The following KIFC1 variants were observed in gnomAD, a reference collection of about 807,000 sequenced individuals.
The protein encoded by KIFC1 is kinesin-like protein KIFC1.
KIFC1 carries 37 observed loss-of-function variants against 66.6 expected under a neutral mutation model. That is an observed-to-expected ratio of 0.56 (90% CI 0.43 to 0.73). KIFC1 has a LOEUF of 0.73. Among genes scored for constraint, KIFC1 ranks in the 30% least tolerant of loss-of-function variants. The pLI is 0.00. For missense variants in KIFC1, 721 were observed against 859.8 expected (o/e 0.84, Z 2.02); for synonymous variants, 325 against 343.5 (o/e 0.95, Z 0.60).
rs1236665767 is a variant in KIFC1, at chr6:33,401,161, G to A, written c.251-2153G>A. ...TTTTGTTTTTTGTTTTTGAGACAGA[G>A]TCTCGCTCTTTCGCCCAGGCTGGAG... On this transcript the variant is annotated intron_variant, in intron 3 of 10. Transcript: ENST00000428849. This position sits in a 1 kb window ranked among gnomAD's most constrained non-coding sequence, Gnocchi z 4.5. Among the ~76,000 whole-genome samples, 1 of 152,030 alleles carries A rather than the reference G, an allele frequency of 6.6e-6. No individual in the cohort carries two copies. Among genetic ancestry groups the A allele is most frequent in the Admixed American group, 6.6e-5 (1 of 15,262 alleles).
chr6:33,397,760 C>G lies in KIFC1; in HGVS notation c.13-269C>G, dbSNP rs749566239. On this transcript the variant is annotated intron_variant, in intron 1 of 10. Transcript: ENST00000428849. ...TGCTATGTACATATTTGAATTTTTG[C>G]CTTCCAGGAAGAGCATCCATTCCTC... is the stretch of plus-strand genomic sequence containing the variant. Among the ~76,000 whole-genome samples the G allele has an allele frequency of 2.6e-5, 4 of 152,198 alleles. No homozygotes were observed. In the South Asian group the frequency reaches 8.3e-4, roughly 31 times the overall value.
rs938689369 is a variant in KIFC1, at chr6:33,400,489, C to A, written c.250+2102C>A. The A allele has an allele frequency of 7.5e-6, 12 of 1,600,190 alleles. No individual in the cohort carries two copies. The highest frequency in any genetic ancestry group is 1.0e-5 in the Non-Finnish European group (12 of 1,171,972). Reference sequence around the variant, plus strand: ...CTTGGGGGCCAGGGCAGAAGTGGCACCGACTTCACCTCTGGTGCACCTCAG... The same window carrying A: ...CTTGGGGGCCAGGGCAGAAGTGGCAACGACTTCACCTCTGGTGCACCTCAG... On this transcript the variant is annotated intron_variant, in intron 3 of 10. Transcript: ENST00000428849. The surrounding 1 kb of genome is among the most constrained non-coding windows in gnomAD (Gnocchi z 4.3).
intron 1 of KIFC1, among the ~76,000 whole-genome samples, 170 bp downstream of exon 1, chr6:33,392,167 G>T (rs1774819988): frequency 6.6e-6 from 1 of 152,208 alleles, no homozygotes; most frequent in Non-Finnish European, 1.5e-5. Flanking sequence ...AGTGGAGACG[G>T]CTTAGAGCAC....
chr6:33,398,774 A>G (rs1207109860), intron 3 of KIFC1, among the ~76,000 whole-genome samples: 2 of 152,038 alleles, frequency 1.3e-5, no homozygotes, highest in Non-Finnish European at 2.9e-5. Context: ...CCTATTTTGA[A>G]TAGGTAATAA....
In KIFC1 at chr6:33,404,546, T is replaced by C. The variant is rs1775542008; in HGVS notation, c.757-306T>C. The stretch of plus-strand genomic sequence containing the variant: ...ACTCAACTTTCACTTCTGGGCATTC[T>C]GCATATGTGCTTCCCTCTTTCTGGA... On this transcript the variant is annotated intron_variant, in intron 6 of 10. Coordinates refer to ENST00000428849, the MANE Select transcript of KIFC1 (RefSeq NM_002263.4). This position sits in a 1 kb window ranked among gnomAD's most constrained non-coding sequence, Gnocchi z 4.0. Among the ~76,000 whole-genome samples the C allele has an allele frequency of 6.6e-6, 1 of 152,214 alleles. No individual in the cohort carries two copies. The highest frequency in any genetic ancestry group is 1.5e-5 in the Non-Finnish European group (1 of 68,046).
In KIFC1 at chr6:33,409,736, T is replaced by C. The variant is rs1775848196; in HGVS notation, c.*46T>C. On this transcript the variant is annotated 3_prime_UTR_variant, in exon 11 of 11. Transcript: ENST00000428849. ...GTGTGTGTGTGTGTGTGTGTGTGTG[T>C]GTGTGTGTGTGTGTGTGTCCCTATG... 7.1e-7 allele frequency: 1 copy of C among 1,417,592 alleles called. No individual in the cohort carries two copies. Among genetic ancestry groups the C allele is most frequent in the Admixed American group, 1.7e-5 (1 of 57,326 alleles). The allele number at this position is 1,417,592 out of a possible 1,614,324, so 87.8% of individuals were successfully genotyped here.
intron 1 of KIFC1, among the ~76,000 whole-genome samples, chr6:33,396,632 C>T (rs1359684890): frequency 6.6e-6 from 1 of 151,238 alleles, no homozygotes; most frequent in Admixed American, 6.6e-5. Context: ...CTAGCTTAGC[C>T]CTCAAGCTTC....
chr6:33,405,296 G>A lies in KIFC1; in HGVS notation c.1201G>A (p.Gly401Ser). Residue 401 changes from glycine (G) to serine (S), a missense_variant, in exon 7 of 11, where the codon GGC (glycine) becomes AGC (serine). Gly to Ser is a moderately conservative substitution (Grantham distance 56). Transcript: ENST00000428849. This position sits in a 1 kb window ranked among gnomAD's most constrained non-coding sequence, Gnocchi z 5.4. ...IAMLVQSALD[G>S]YPVCIFAYGQ... ...CATGCTTGTCCAGTCAGCCCTGGAT[G>A]GCTATCCAGTATGCATCTTTGCCTA... 6.2e-7 allele frequency: 1 copy of A among 1,614,134 alleles called. No homozygotes were observed. The highest frequency in any genetic ancestry group is 8.5e-7 in the Non-Finnish European group (1 of 1,179,980).
chr6:33,403,617 C>G lies in KIFC1; in HGVS notation c.355+82C>G. ...GAGTGACCAGAAAAATCCATTTGGT[C>G]TCTAAGGGGAAGGAGATGTAGCATC... On this transcript the variant is annotated intron_variant, in intron 5 of 10. Coordinates refer to ENST00000428849, the MANE Select transcript of KIFC1 (RefSeq NM_002263.4). The surrounding 1 kb of genome is among the most constrained non-coding windows in gnomAD (Gnocchi z 4.6). The G allele has an allele frequency of 1.3e-6, 2 of 1,578,714 alleles. No homozygotes were observed. The highest frequency in any genetic ancestry group is 1.7e-5 in the Admixed American group (1 of 59,838).
At position 33,405,788 on chromosome 6, in the gene KIFC1, G is replaced by T. The variant is rs113834694; in HGVS notation, c.1536+157G>T. 5.3e-5 allele frequency among the ~76,000 whole-genome samples: 8 copies of T among 152,150 alleles called. No individual in the cohort carries two copies. Among genetic ancestry groups the T allele is most frequent in the African/African-American group, 1.9e-4 (8 of 41,424 alleles). On this transcript the variant is annotated intron_variant, in intron 7 of 10. Coordinates refer to ENST00000428849, the MANE Select transcript of KIFC1 (RefSeq NM_002263.4). This position sits in a 1 kb window ranked among gnomAD's most constrained non-coding sequence, Gnocchi z 5.4. ...ATCCGGTTTTGGCCTGTGGGCTGTC[G>T]GTAGATCTGCCTTAACCTGGGAGTG...
intron 10 of KIFC1, among the ~76,000 whole-genome samples, chr6:33,409,116 A>G (rs1426164571): frequency 1.3e-5 from 2 of 152,200 alleles, no homozygotes; most frequent in African/African-American, 4.8e-5. Context: ...CAGTGAGCCG[A>G]GATCGCGCCA....
intron 3 of KIFC1, among the ~76,000 whole-genome samples, 191 bp downstream of exon 3, chr6:33,398,578 C>T (rs1450676579): frequency 6.6e-6 from 1 of 152,194 alleles, no homozygotes; most frequent in Non-Finnish European, 1.5e-5. Flanking sequence ...ATTCTCCTAC[C>T]TCAGCCTCCC....
intron 3 of KIFC1, among the ~76,000 whole-genome samples, chr6:33,402,993 CAATA>C (rs769075804): frequency 6.6e-6 from 1 of 152,140 alleles, no homozygotes; most frequent in Non-Finnish European, 1.5e-5. Context: ...CTCAGTCAAT[CAATA>C]AATAAAGTAT....
In KIFC1 at chr6:33,405,778, G is replaced by A; in HGVS notation, c.1536+147G>A. On this transcript the variant is annotated intron_variant, in intron 7 of 10. Transcript: ENST00000428849. The surrounding 1 kb of genome is among the most constrained non-coding windows in gnomAD (Gnocchi z 5.4). ...GGGTTACCACATCCGGTTTTGGCCT[G>A]TGGGCTGTCGGTAGATCTGCCTTAA... is the stretch of plus-strand genomic sequence containing the variant. The A allele has an allele frequency of 3.5e-6, 3 of 849,288 alleles. No individual in the cohort carries two copies. Among genetic ancestry groups the A allele is most frequent in the Non-Finnish European group, 3.4e-6 (2 of 585,198 alleles). The allele number at this position is 849,288 out of a possible 1,614,324, so 52.6% of individuals were successfully genotyped here.
rs558765870 is a variant in KIFC1 at position 33,408,538 on chromosome 6, C to T, written c.1978-1108C>T. Reference sequence around the variant, plus strand: ...TTAGTTGTTCTGCATTGGTTAGTCACGATTCTTTTATGAAGACATTTGCCT... The same window carrying T: ...TTAGTTGTTCTGCATTGGTTAGTCATGATTCTTTTATGAAGACATTTGCCT... On this transcript the variant is annotated intron_variant, in intron 10 of 10. Coordinates refer to ENST00000428849, the MANE Select transcript of KIFC1 (RefSeq NM_002263.4). 5.9e-5 allele frequency among the ~76,000 whole-genome samples: 9 copies of T among 152,234 alleles called. No individual in the cohort carries two copies. In the South Asian group the frequency reaches 1.9e-3, roughly 32 times the overall value.
At chr6:33,397,151 A>C (rs1383233227) in intron 1 of KIFC1, among the ~76,000 whole-genome samples, 1 of 146,180 alleles carries the variant, frequency 6.8e-6, no homozygotes, top group Non-Finnish European at 1.5e-5. Flanking sequence ...ATGCCTGGGT[A>C]ATTTTTGTAG....
chr6:33,401,890 A>G lies in KIFC1; in HGVS notation c.251-1424A>G, dbSNP rs992007167. ...TTAATTTTGTTTTTGTATTTTTAGG[A>G]GAGACGGGGTTTCACCGTGTTAGCC... On this transcript the variant is annotated intron_variant, in intron 3 of 10. Coordinates refer to ENST00000428849, the MANE Select transcript of KIFC1 (RefSeq NM_002263.4). The surrounding 1 kb of genome is among the most constrained non-coding windows in gnomAD (Gnocchi z 4.5). Among the ~76,000 whole-genome samples, 1 of 152,012 alleles carries G rather than the reference A, an allele frequency of 6.6e-6. No homozygotes were observed. Among genetic ancestry groups the G allele is most frequent in the Non-Finnish European group, 1.5e-5 (1 of 68,000 alleles).
Position 33,403,183 on chromosome 6 carries a change from A to T in KIFC1, c.251-131A>T. 1.2e-6 allele frequency: 1 copy of T among 829,646 alleles called. No individual in the cohort carries two copies. The highest frequency in any genetic ancestry group is 2.0e-6 in the Non-Finnish European group (1 of 499,672). 51.4% of individuals were successfully genotyped at this position (829,646 alleles called of 1,614,324 possible). ...GTATCATTAGGAGCTGGCCAGACTT[A>T]GGGATAAGGGAAGGAAGTTATCCTA... is the stretch of plus-strand genomic sequence containing the variant. On this transcript the variant is annotated intron_variant, in intron 3 of 10. Coordinates refer to ENST00000428849, the MANE Select transcript of KIFC1 (RefSeq NM_002263.4). This position sits in a 1 kb window ranked among gnomAD's most constrained non-coding sequence, Gnocchi z 4.6.
Position 33,400,450 on chromosome 6 carries a change from C to T in KIFC1, c.250+2063C>T, listed in dbSNP as rs1404845317. 1 of 1,603,352 alleles carries T rather than the reference C, an allele frequency of 6.2e-7. No homozygotes were observed. The highest frequency in any genetic ancestry group is 1.1e-5 in the South Asian group (1 of 90,858). ...ATCACCAACCTTTTTTGGAGACAGACCCAGGGGGCCGATCTTGGGGGCCAG... is the reference window on the plus strand; with the variant it reads ...ATCACCAACCTTTTTTGGAGACAGATCCAGGGGGCCGATCTTGGGGGCCAG... On this transcript the variant is annotated intron_variant, in intron 3 of 10. Coordinates refer to ENST00000428849, the MANE Select transcript of KIFC1 (RefSeq NM_002263.4). This position sits in a 1 kb window ranked among gnomAD's most constrained non-coding sequence, Gnocchi z 4.3.
Sources: allele counts gnomAD v4.1 joint callset (sites outside exome capture counted in the v4.1 genomes callset), GRCh38; gene constraint gnomAD v4.1.1; non-coding constraint Gnocchi (gnomAD v3.1); transcripts MANE v1.5; gene names NCBI Gene and HGNC (gene_info 2026-07-23, HGNC 2026-07-21).